Variants in PIEZO2 observed in about 807,000 individuals in gnomAD.
The protein encoded by PIEZO2 is piezo-type mechanosensitive ion channel component 2.
PIEZO2 carries 172 observed loss-of-function variants against 337.3 expected under a neutral mutation model. That is an observed-to-expected ratio of 0.51 (90% CI 0.45 to 0.58). The LOEUF (loss-of-function observed/expected upper bound fraction) is 0.58, where lower values mean the gene tolerates loss of function less well. Among genes scored for constraint, PIEZO2 ranks in the 20% least tolerant of loss-of-function variants. The pLI is 0.00. For missense variants in PIEZO2, 3,028 were observed against 3,391.3 expected (o/e 0.89, Z 2.66); for synonymous variants, 1,251 against 1,228.5 (o/e 1.02, Z -0.38).
rs918896430 is a variant in PIEZO2 at position 10,766,301 on chromosome 18, G to GAGGGGA, written c.2947-3209_2947-3204dup. 1.3e-5 allele frequency among the ~76,000 whole-genome samples: 2 copies of GAGGGGA among 151,668 alleles called. No homozygotes were observed. The highest frequency in any genetic ancestry group is 4.8e-5 in the African/African-American group (2 of 41,268). On this transcript the variant is annotated intron_variant, in intron 21 of 55. Transcript: ENST00000674853. The surrounding 1 kb of genome is among the most constrained non-coding windows in gnomAD (Gnocchi z 6.1). ...GGGAGAGAGAAGGGGAAGCAGAAAG[G>GAGGGGA]AGGGGAAGGGGAAGGAGAAGTAGGA...
At chr18:11,090,862 C>T (rs1026197342) in intron 1 of PIEZO2, among the ~76,000 whole-genome samples, 1 of 149,374 alleles carries the variant, frequency 6.7e-6, no homozygotes, top group African/African-American at 2.5e-5. Flanking sequence ...TGCAGTGAGC[C>T]GAGATCGCGC....
Position 10,866,417 on chromosome 18 carries a change from G to C in PIEZO2, c.492+4836C>G, listed in dbSNP as rs369787795. 1.8e-3 allele frequency among the ~76,000 whole-genome samples: 279 copies of C among 151,896 alleles called. 2 individuals carry two copies. In the Middle Eastern group the frequency reaches 0.02, roughly 11 times the overall value. ...TCTCCTGCCTCAGCCTCCTGAGTAG[G>C]TGGGACTACAGGCACCCGCCACCAC... On this transcript the variant is annotated intron_variant, in intron 5 of 55. Coordinates refer to ENST00000674853, the MANE Select transcript of PIEZO2 (RefSeq NM_001378183.1).
At chr18:10,827,682 C>A (rs2040716914) in intron 7 of PIEZO2, among the ~76,000 whole-genome samples, 1 of 152,180 alleles carries the variant, frequency 6.6e-6, no homozygotes, top group Non-Finnish European at 1.5e-5. Context: ...AGGGCATGAA[C>A]CATTGGCATC....
At chr18:10,964,029 G>T (rs771161675) in intron 3 of PIEZO2, among the ~76,000 whole-genome samples, 2 of 152,120 alleles carry the variant, frequency 1.3e-5, no homozygotes, top group African/African-American at 4.8e-5. Flanking sequence ...CCTCAAAGAA[G>T]GCTGCCTTGT....
chr18:10,998,876 A>G (rs1045805017), intron 2 of PIEZO2, among the ~76,000 whole-genome samples: 20 of 151,680 alleles, frequency 1.3e-4, no homozygotes, highest in African/African-American at 3.9e-4. Context: ...AAAAAAAAAA[A>G]AAAGAAAGAT....
Position 10,784,712 on chromosome 18 carries a change from G to A in PIEZO2, c.2492+72C>T. ...TTAGATTACTGGCTTCTCGCAAGGT[G>A]GCCAACCTAAGGTAGGGTTGAAGAG... On this transcript the variant is annotated intron_variant, in intron 17 of 55. Transcript: ENST00000674853. This position sits in a 1 kb window ranked among gnomAD's most constrained non-coding sequence, Gnocchi z 4.5. The A allele has an allele frequency of 3.1e-6, 4 of 1,309,588 alleles. No homozygotes were observed. The highest frequency in any genetic ancestry group is 3.9e-6 in the Non-Finnish European group (4 of 1,015,896). The allele number at this position is 1,309,588 out of a possible 1,614,324, so 81.1% of individuals were successfully genotyped here.
intron 1 of PIEZO2, among the ~76,000 whole-genome samples, chr18:11,067,773 C>T (rs1003404272): frequency 4.6e-5 from 7 of 152,102 alleles, no homozygotes; most frequent in African/African-American, 1.7e-4. Context: ...TAGCAGGGAC[C>T]TCAATATCCA....
At chr18:11,073,410 T>G (rs1185993519) in intron 1 of PIEZO2, among the ~76,000 whole-genome samples, 1 of 152,196 alleles carries the variant, frequency 6.6e-6, no homozygotes, top group Non-Finnish European at 1.5e-5. Flanking sequence ...TTGCTCACCC[T>G]GCGGGAAGCC....
At chr18:10,756,017 G>T (rs796100890) in intron 27 of PIEZO2, among the ~76,000 whole-genome samples, 1 of 145,648 alleles carries the variant, frequency 6.9e-6, no homozygotes, top group African/African-American at 2.5e-5. Flanking sequence ...AGAATGAGGA[G>T]GAGGGATGGG....
At chr18:10,946,992 G>T (rs1348401707) in intron 3 of PIEZO2, among the ~76,000 whole-genome samples, 1 of 151,334 alleles carries the variant, frequency 6.6e-6, no homozygotes, top group Non-Finnish European at 1.5e-5. Context: ...AATAAAAAAT[G>T]GAAAATTTTA....
intron 2 of PIEZO2, among the ~76,000 whole-genome samples, chr18:11,050,378 T>C (rs2037479114): frequency 6.6e-6 from 1 of 152,204 alleles, no homozygotes; most frequent in Non-Finnish European, 1.5e-5. Flanking sequence ...ATTTCCTTTT[T>C]GATGTCTAAA....
intron 2 of PIEZO2, among the ~76,000 whole-genome samples, chr18:11,019,514 T>C (rs545544847): frequency 3.7e-4 from 56 of 152,330 alleles, no homozygotes; most frequent in African/African-American, 1.3e-3. Flanking sequence ...CTGGCTGTTT[T>C]TCCCCCTTTA....
chr18:11,099,535 C>T lies in PIEZO2; in HGVS notation c.65-33313G>A, dbSNP rs770940012. On this transcript the variant is annotated intron_variant, in intron 1 of 55. Transcript: ENST00000674853. The surrounding 1 kb of genome is among the most constrained non-coding windows in gnomAD (Gnocchi z 5.4). ...AGGTTGGTATGCAATGGCATGATCT[C>T]GGCTCACTGCAACCTCTGCCTCCAG... Among the ~76,000 whole-genome samples the T allele has an allele frequency of 2.0e-5, 3 of 152,168 alleles. No homozygotes were observed. The highest frequency in any genetic ancestry group is 4.4e-5 in the Non-Finnish European group (3 of 68,038).
intron 36 of PIEZO2, among the ~76,000 whole-genome samples, chr18:10,728,834 A>G (rs2036643129): frequency 6.6e-6 from 1 of 151,660 alleles, no homozygotes; most frequent in African/African-American, 2.4e-5. Flanking sequence ...GGGCGCCTGT[A>G]GTCCCAGCTA....
chr18:10,892,496 C>T (rs555122746), intron 4 of PIEZO2, among the ~76,000 whole-genome samples: 15 of 152,194 alleles, frequency 9.9e-5, no homozygotes, highest in Non-Finnish European at 1.8e-4. Context: ...GGTTGACTGC[C>T]GAGGGCAGGA....
At chr18:10,818,769 C>T (rs928047544) in intron 7 of PIEZO2, among the ~76,000 whole-genome samples, 3 of 152,120 alleles carry the variant, frequency 2.0e-5, no homozygotes, top group African/African-American at 7.2e-5. Context: ...AGCATCCTCA[C>T]GGGTGTTCCC....
In PIEZO2 at chr18:10,750,262, T is replaced by C. The variant is rs2037596942; in HGVS notation, c.4168-75A>G. The C allele has an allele frequency of 9.5e-7, 1 of 1,049,826 alleles. No individual in the cohort carries two copies. 65.0% of individuals were successfully genotyped at this position (1,049,826 alleles called of 1,614,324 possible). Reference sequence around the variant, plus strand: ...AAAGTGGTGTTTTATGATCCCAACATGTGCAAGAATTCACAAGGTCTCAGT... The same window carrying C: ...AAAGTGGTGTTTTATGATCCCAACACGTGCAAGAATTCACAAGGTCTCAGT... On this transcript the variant is annotated intron_variant, in intron 28 of 55. Transcript: ENST00000674853. This position sits in a 1 kb window ranked among gnomAD's most constrained non-coding sequence, Gnocchi z 4.1.
At position 10,800,174 on chromosome 18, in the gene PIEZO2, T is replaced by C. The variant is rs150440579; in HGVS notation, c.1378+163A>G. 3.3e-5 allele frequency among the ~76,000 whole-genome samples: 5 copies of C among 152,238 alleles called. No individual in the cohort carries two copies. The East Asian group carries it at 9.7e-4, about 29-fold the overall frequency. Reference sequence around the variant, plus strand: ...TACAAGGATAGAACACAACTAGCAATATGCTGGGGCAAAATGCAGGCAGAA... The same window carrying C: ...TACAAGGATAGAACACAACTAGCAACATGCTGGGGCAAAATGCAGGCAGAA... On this transcript the variant is annotated intron_variant, in intron 11 of 55. Transcript: ENST00000674853.
chr18:10,810,231 A>T (rs559394431), intron 7 of PIEZO2, among the ~76,000 whole-genome samples: 1 of 152,278 alleles, frequency 6.6e-6, no homozygotes, highest in Admixed American at 6.5e-5. Flanking sequence ...TTAAGAACTC[A>T]CAGATTCTAT....
Sources: allele counts gnomAD v4.1 joint callset (sites outside exome capture counted in the v4.1 genomes callset), GRCh38; gene constraint gnomAD v4.1.1; non-coding constraint Gnocchi (gnomAD v3.1); transcripts MANE v1.5; gene names NCBI Gene and HGNC (gene_info 2026-07-23, HGNC 2026-07-21).